Variants in ANKRD36C observed in about 807,000 individuals in gnomAD.
ANKRD36C encodes ankyrin repeat domain 36C.
In ANKRD36C, 61 loss-of-function variants were observed where a neutral mutation model predicts 276.4. That is an observed-to-expected ratio of 0.22 (90% confidence interval 0.18 to 0.27). The LOEUF is 0.27. Ranked by LOEUF, ANKRD36C falls within the 10% of genes least tolerant of loss-of-function variation. ANKRD36C has a pLI of 1.00. For synonymous variants in ANKRD36C, 483 were observed against 680.1 expected (o/e 0.71, Z 4.51); for missense variants, 1,447 against 2,032.3 (o/e 0.71, Z 5.54).
At chr2:95,854,786 C>G (rs1675370346) in intron 63 of ANKRD36C, among the ~76,000 whole-genome samples, 1 of 151,782 alleles carries the variant, frequency 6.6e-6, no homozygotes. Context: ...AAAATTTTAC[C>G]AACTAAGACA....
chr2:95,864,088 A>G (rs1675638399), intron 60 of ANKRD36C, among the ~76,000 whole-genome samples: 2 of 151,948 alleles, frequency 1.3e-5, no homozygotes, highest in Non-Finnish European at 2.9e-5. Context: ...ATACAAAAAA[A>G]TATCTGAACC....
intron 36 of ANKRD36C, among the ~76,000 whole-genome samples, chr2:95,916,753 C>T (rs1157915574): frequency 1.3e-5 from 2 of 151,658 alleles, no homozygotes; most frequent in Non-Finnish European, 3.0e-5. Context: ...CTCTCACACC[C>T]ATGTGGTGTA....
intron 30 of ANKRD36C, among the ~76,000 whole-genome samples, chr2:95,924,753 G>A (rs1295229532): frequency 1.3e-5 from 2 of 151,526 alleles, no homozygotes; most frequent in Middle Eastern, 3.2e-3. Context: ...GGTAGTCATC[G>A]GAGCAGTCAG....
chr2:95,851,747 T>C, exon 66 of ANKRD36C: 1 of 1,533,724 alleles, frequency 6.5e-7, no homozygotes, highest in Non-Finnish European at 8.8e-7. Context: ...TCATCCTGTT[T>C]TTTAATAATT....
chr2:95,963,964 T>TAC (rs1431178330), intron 6 of ANKRD36C, among the ~76,000 whole-genome samples: 7 of 55,742 alleles, frequency 1.3e-4, no homozygotes, highest in Admixed American at 5.4e-4. Flanking sequence ...TATAAATATA[T>TAC]ATATATAAAT....
exon 62 of ANKRD36C, chr2:95,857,418 C>T (rs1675441947): frequency 1.2e-6 from 2 of 1,608,976 alleles, no homozygotes; most frequent in Non-Finnish European, 1.7e-6. Context: ...TTCTGTGATT[C>T]TTAACTTTTC....
intron 48 of ANKRD36C, among the ~76,000 whole-genome samples, chr2:95,888,484 C>T (rs370231963): frequency 1.4e-4 from 21 of 151,614 alleles, no homozygotes; most frequent in African/African-American, 4.1e-4. Context: ...CATGATGCCA[C>T]GTCTTCCATG....
At chr2:95,918,197 G>A (rs1474978856) in intron 34 of ANKRD36C, among the ~76,000 whole-genome samples, 155 bp from the exon 37 acceptor site, 2 of 151,662 alleles carry the variant, frequency 1.3e-5, no homozygotes, top group African/African-American at 4.8e-5. Flanking sequence ...GAACATGACA[G>A]AAGTACACTG....
chr2:95,910,730 A>G (rs1227451087), intron 42 of ANKRD36C, among the ~76,000 whole-genome samples, 162 bp from the exon 45 acceptor site: 2 of 151,550 alleles, frequency 1.3e-5, no homozygotes, highest in South Asian at 2.1e-4. Context: ...ACAGAAGTAC[A>G]CTGAGAAAAG....
chr2:95,872,006 G>C lies in ANKRD36C; in HGVS notation c.3541-4425C>G, dbSNP rs374907517. ...TATGCACCCAATACAGGAGCACCCA[G>C]ATTCATAAAGCAAGTCCTGAGTGAC... On this transcript the variant is annotated intron_variant, in intron 59 of 66. Transcript: ENST00000456556. Among the ~76,000 whole-genome samples the C allele has an allele frequency of 1.5e-4, 22 of 147,006 alleles. No homozygotes were observed. In the South Asian group the frequency reaches 3.6e-3, roughly 24 times the overall value.
chr2:95,964,417 C>G (rs1050605540), intron 6 of ANKRD36C, among the ~76,000 whole-genome samples: 1 of 151,960 alleles, frequency 6.6e-6, no homozygotes, highest in Non-Finnish European at 1.5e-5. Flanking sequence ...TTGACATACA[C>G]TCTTTTTCGT....
downstream of ANKRD36C, among the ~76,000 whole-genome samples, chr2:95,849,044 T>C (rs541365409): frequency 2.0e-3 from 301 of 152,302 alleles, no homozygotes; most frequent in Non-Finnish European, 3.1e-3. Context: ...AGATTTTTTT[T>C]GTCAGCACGT....
At chr2:95,882,717 G>T (rs1408744636) in intron 54 of ANKRD36C, among the ~76,000 whole-genome samples, 1 of 152,060 alleles carries the variant, frequency 6.6e-6, no homozygotes, top group Non-Finnish European at 1.5e-5. Context: ...TTACAAAGAG[G>T]TATTATGCGT....
intron 6 of ANKRD36C, among the ~76,000 whole-genome samples, chr2:95,968,893 A>C (rs1678645710): frequency 6.6e-6 from 1 of 152,226 alleles, no homozygotes; most frequent in African/African-American, 2.4e-5. Flanking sequence ...TCTTATAAAG[A>C]ATATTAAAGG....
chr2:95,855,680 G>C, exon 63 of ANKRD36C: 2 of 1,611,788 alleles, frequency 1.2e-6, no homozygotes, highest in Non-Finnish European at 1.7e-6. Context: ...GCTCAGTTTC[G>C]AGGACTCTGA....
At chr2:95,880,187 C>G (rs1261093585) in intron 58 of ANKRD36C, among the ~76,000 whole-genome samples, 2 of 151,042 alleles carry the variant, frequency 1.3e-5, no homozygotes, top group East Asian at 3.9e-4. Context: ...TCTCCAAAAA[C>G]AAAAAACAAA....
chr2:95,896,562 A>T (rs1464521899), intron 44 of ANKRD36C, among the ~76,000 whole-genome samples: 4 of 149,038 alleles, frequency 2.7e-5, no homozygotes, highest in Non-Finnish European at 4.5e-5. Context: ...TCTCATTTTT[A>T]TAACTAAAAT....
At chr2:95,922,734 G>C (rs570352332) in intron 32 of ANKRD36C, among the ~76,000 whole-genome samples, 1 of 151,702 alleles carries the variant, frequency 6.6e-6, no homozygotes, top group Non-Finnish European at 1.5e-5. Context: ...CCGTGAGATA[G>C]CTCTTTGATG....
At chr2:95,957,159 T>C (rs537024875) in intron 12 of ANKRD36C, among the ~76,000 whole-genome samples, 24 of 152,394 alleles carry the variant, frequency 1.6e-4, no homozygotes, top group Middle Eastern at 3.4e-3. Context: ...CTAGTAAAAA[T>C]ACAAAAATTA....
Sources: allele counts gnomAD v4.1 joint callset (sites outside exome capture counted in the v4.1 genomes callset), GRCh38; gene constraint gnomAD v4.1.1; transcripts MANE v1.5; gene names NCBI Gene and HGNC (gene_info 2026-07-23, HGNC 2026-07-21).